TCEA1: variants seen among roughly 807,000 people sequenced by gnomAD.
The protein encoded by TCEA1 is transcription elongation factor A protein 1.
Under a neutral mutation model 43.8 loss-of-function variants are expected in TCEA1, and 21 were observed. The ratio of observed to expected loss-of-function variants is 0.48; its 90% CI spans 0.34 to 0.69. The LOEUF is 0.69. TCEA1 is among the 30% of genes least tolerant of loss of function. The probability of loss-of-function intolerance (pLI) is 0.01; values close to 1 mark genes in which losing one functional copy is unlikely to be tolerated. For missense variants in TCEA1, 250 were observed against 365.1 expected, an observed-to-expected ratio of 0.68 and a Z score of 2.57; for synonymous variants, 104 against 117.5, an observed-to-expected ratio of 0.88 and a Z score of 0.75.
intron 3 of TCEA1, among the ~76,000 whole-genome samples, chr8:53,994,090 G>A (rs1174028473): frequency 6.6e-6 from 1 of 152,168 alleles, no homozygotes; most frequent in African/African-American, 2.4e-5. Context: ...AGTGGCTCAC[G>A]CCTGTAATTC....
intron 8 of TCEA1, chr8:53,974,068 T>TC (rs1356204919): frequency 1.3e-5 from 2 of 155,654 alleles, no homozygotes; most frequent in Non-Finnish European, 2.8e-5. Context: ...TCCCAGCTAC[T>TC]CGGGAGGCTG....
Position 53,998,604 on chromosome 8 carries a change from ATT to A in TCEA1, c.232+1339_232+1340del, listed in dbSNP as rs1022114438. Among the ~76,000 whole-genome samples, 5 of 152,238 alleles carry A rather than the reference ATT, an allele frequency of 3.3e-5. No homozygotes were observed. In the South Asian group the frequency reaches 6.2e-4, roughly 19 times the overall value. ...AATGTGAAAGACAAAATTGCGTTTA[ATT>A]TTCTTTCCTTCCAAATTTGACTTTC... On this transcript the variant is annotated intron_variant, in intron 3 of 9. Coordinates refer to ENST00000521604, the MANE Select transcript of TCEA1 (RefSeq NM_006756.4).
At chr8:53,972,965 T>C in intron 8 of TCEA1, 1 of 665,330 alleles carries the variant, frequency 1.5e-6, no homozygotes, top group Non-Finnish European at 2.8e-6. Context: ...TCTGCTGCAA[T>C]GGGAACATCA....
chr8:54,010,548 C>T lies in TCEA1; in HGVS notation c.64-56G>A, dbSNP rs1804619440. On this transcript the variant is annotated intron_variant, in intron 1 of 9. Coordinates refer to ENST00000521604, the MANE Select transcript of TCEA1 (RefSeq NM_006756.4). ...CCCAAGATGGTAAAACAGGGACTAG[C>T]CAGAAATAAGGTTCATGGGAGAATC... is the stretch of plus-strand genomic sequence containing the variant. The T allele has an allele frequency of 5.7e-6, 8 of 1,403,676 alleles. No individual in the cohort carries two copies. The East Asian group carries it at 9.9e-5, about 17-fold the overall frequency. 87.0% of individuals were successfully genotyped at this position (1,403,676 alleles called of 1,614,324 possible).
chr8:53,991,491 TC>T (rs1471419168), intron 4 of TCEA1, among the ~76,000 whole-genome samples: 1 of 151,650 alleles, frequency 6.6e-6, no homozygotes, highest in Non-Finnish European at 1.5e-5. Flanking sequence ...GGTCAGGAGT[TC>T]AAGACCAGCC....
At chr8:53,983,598 G>A (rs955138439) in intron 7 of TCEA1, among the ~76,000 whole-genome samples, 1 of 152,092 alleles carries the variant, frequency 6.6e-6, no homozygotes, top group Admixed American at 6.5e-5. Flanking sequence ...AACCCGGGAG[G>A]CAGAGGTTGC....
chr8:54,005,084 A>G (rs561593191), intron 2 of TCEA1, among the ~76,000 whole-genome samples: 1 of 151,966 alleles, frequency 6.6e-6, no homozygotes, highest in South Asian at 2.1e-4. Flanking sequence ...ACTCCCAAGG[A>G]CTCTTCAGAT....
rs1802996080 is a variant in TCEA1, at chr8:53,966,656, C to G, written c.*1448G>C. On this transcript the variant is annotated 3_prime_UTR_variant, in exon 10 of 10. Transcript: ENST00000521604. ...TCTGAAACATTATTTCAAAAATGTA[C>G]TTTGTTTTTGAAATAAAACAAAATC... 1 of 188,368 alleles carries G rather than the reference C, an allele frequency of 5.3e-6. No homozygotes were observed. The highest frequency in any genetic ancestry group is 1.9e-4 in the South Asian group (1 of 5,166). The allele number at this position is 188,368 out of a possible 1,614,324, so 11.7% of individuals were successfully genotyped here. A position where few individuals can be genotyped will look rare whatever the true frequency, so the allele number is the denominator to read the frequency against.
intron 2 of TCEA1, among the ~76,000 whole-genome samples, chr8:54,006,914 T>A (rs985460765): frequency 6.6e-6 from 1 of 151,966 alleles, no homozygotes; most frequent in African/African-American, 2.4e-5. Flanking sequence ...CTTGACTCAC[T>A]GCAACCTCCG....
In TCEA1 at chr8:53,986,979, T is replaced by A; in HGVS notation, c.513A>T (p.Gln171His). ...IGADEEELGS[Q>H]IEEAIYQEIR... ...ACACACAAAGGATATCTTCTTCAAT[T>A]TGAGATCCTAATTCTTCCTCATCAG... is the stretch of plus-strand genomic sequence containing the variant. The change falls in exon 6 of 10, where the codon CAA becomes CAT. Residue 171 changes from glutamine (Q) to histidine (H), a missense_variant. This residue lies in a region of TCEA1 where 147 missense variants were observed against 160.3 expected (regional missense o/e 0.92). Coordinates refer to ENST00000521604, the MANE Select transcript of TCEA1 (RefSeq NM_006756.4). 5.6e-6 allele frequency: 9 copies of A among 1,596,340 alleles called. No homozygotes were observed. Among genetic ancestry groups the A allele is most frequent in the East Asian group, 2.2e-5 (1 of 44,556 alleles).
chr8:53,999,224 CAAAAAAAAAAA>C (rs57357613), intron 3 of TCEA1, among the ~76,000 whole-genome samples: 6 of 64,550 alleles, frequency 9.3e-5, no homozygotes, highest in East Asian at 3.9e-4. Flanking sequence ...GACTCAGTCT[CAAAAAAAAAAA>C]AAAAAAAAAA....
intron 2 of TCEA1, among the ~76,000 whole-genome samples, chr8:54,001,260 TAAC>T (rs1028633134): frequency 6.6e-6 from 1 of 151,850 alleles, no homozygotes; most frequent in Non-Finnish European, 1.5e-5. Flanking sequence ...AAGAAAAAAA[TAAC>T]AAAAGGAATT....
In TCEA1 at chr8:53,990,854, T is replaced by C. The variant is rs116436459; in HGVS notation, c.321-2595A>G. 4.1e-3 allele frequency among the ~76,000 whole-genome samples: 622 copies of C among 152,342 alleles called. 4 individuals are homozygous for C. Among genetic ancestry groups the C allele is most frequent in the African/African-American group, 0.014 (593 of 41,580 alleles). The stretch of plus-strand genomic sequence containing the variant: ...TAAGCATTTAAACACATTACTTTCT[T>C]CTTAAATTCTTGCACCCAAAATATA... On this transcript the variant is annotated intron_variant, in intron 4 of 9. Transcript: ENST00000521604.
chr8:53,968,121 A>G lies in TCEA1; in HGVS notation c.898-9T>C. ...CTTCCAACTCAACAGAACTGTCAAAAAAGAAAAAATATTTTGTAAGACCTT... is the reference window on the plus strand; with the variant it reads ...CTTCCAACTCAACAGAACTGTCAAAGAAGAAAAAATATTTTGTAAGACCTT... On this transcript the variant is annotated splice_polypyrimidine_tract_variant and intron_variant, in intron 9 of 9. Transcript: ENST00000521604. The G allele has an allele frequency of 6.6e-7, 1 of 1,525,924 alleles. No individual in the cohort carries two copies. The highest frequency in any genetic ancestry group is 8.9e-7 in the Non-Finnish European group (1 of 1,128,716). The allele number at this position is 1,525,924 out of a possible 1,614,324, so 94.5% of individuals were successfully genotyped here. A position where few individuals can be genotyped will look rare whatever the true frequency, so the allele number is the denominator to read the frequency against.
chr8:54,019,023 T>G (rs1390639674), intron 1 of TCEA1, among the ~76,000 whole-genome samples: 1 of 152,212 alleles, frequency 6.6e-6, no homozygotes, highest in African/African-American at 2.4e-5. Flanking sequence ...ATTTTCAGAA[T>G]GAGGATAATA....
chr8:53,996,502 T>G (rs947944267), intron 3 of TCEA1, among the ~76,000 whole-genome samples: 26 of 152,212 alleles, frequency 1.7e-4, no homozygotes, highest in Admixed American at 1.5e-3. Flanking sequence ...CTCAACAATG[T>G]GCTACCTAGT....
intron 1 of TCEA1, among the ~76,000 whole-genome samples, chr8:54,018,101 TCTAA>T (rs1804895799): frequency 6.6e-6 from 1 of 152,228 alleles, no homozygotes; most frequent in African/African-American, 2.4e-5. Context: ...TGCTAATTAA[TCTAA>T]CTCTGATATA....
intron 4 of TCEA1, among the ~76,000 whole-genome samples, chr8:53,992,489 A>G (rs1359191245): frequency 1.3e-5 from 2 of 152,098 alleles, no homozygotes; most frequent in Admixed American, 1.3e-4. Flanking sequence ...GGGCGCCTGT[A>G]ATCCCAGCTA....
intron 1 of TCEA1, among the ~76,000 whole-genome samples, chr8:54,021,137 C>T (rs1338735991): frequency 6.6e-6 from 1 of 152,020 alleles, no homozygotes; most frequent in Non-Finnish European, 1.5e-5. Flanking sequence ...TGCAGTGAGC[C>T]GAGATCAAGC....
Sources: gnomAD v4.1 joint callset for allele counts (sites outside exome capture counted in the v4.1 genomes callset) on GRCh38, gnomAD v4.1.1 for gene constraint, gnomAD v4.1.1 regional missense constraint, MANE v1.5 for transcripts, NCBI Gene and HGNC (gene_info 2026-07-23, HGNC 2026-07-21) for gene names.